Variants in NRG3 observed in about 807,000 individuals in gnomAD.
NRG3 encodes neuregulin 3.
A neutral mutation model predicts 66.9 loss-of-function variants in NRG3; 31 were observed. That is an observed-to-expected ratio of 0.46 (90% CI 0.35 to 0.63). The LOEUF (loss-of-function observed/expected upper bound fraction) is 0.63, where lower values mean the gene tolerates loss of function less well. Ranked by LOEUF, NRG3 falls within the 20% of genes least tolerant of loss-of-function variation. NRG3 has a pLI of 0.00. For synonymous variants in NRG3, 393 were observed against 359.4 expected (o/e 1.09, Z -1.06); for missense variants, 910 against 878.9 (o/e 1.04, Z -0.45).
intron 3 of NRG3, among the ~76,000 whole-genome samples, chr10:82,843,564 T>C (rs886583078): frequency 1.3e-5 from 2 of 152,104 alleles, no homozygotes; most frequent in African/African-American, 4.8e-5. Flanking sequence ...ATACAAGGAA[T>C]TCTGAAGGAA....
chr10:81,956,919 C>A (rs917337740), intron 1 of NRG3, among the ~76,000 whole-genome samples: 2 of 152,176 alleles, frequency 1.3e-5, no homozygotes, highest in South Asian at 4.1e-4. Context: ...ACACTAGACT[C>A]TTACTCTTCC....
At chr10:81,914,337 T>C (rs1845461349) in intron 1 of NRG3, among the ~76,000 whole-genome samples, 1 of 152,184 alleles carries the variant, frequency 6.6e-6, no homozygotes, top group African/African-American at 2.4e-5. Context: ...ATTTTAAAAA[T>C]AAATTCCAGT....
At chr10:81,883,082 ATTGTCATTGGGTCTTTAG>A (rs1430675093) in intron 1 of NRG3, among the ~76,000 whole-genome samples, 1 of 152,080 alleles carries the variant, frequency 6.6e-6, no homozygotes, top group Non-Finnish European at 1.5e-5. Flanking sequence ...CCCTACACTA[ATTGTCATTGGGTCTTTAG>A]ATTTTGGAGA....
intron 1 of NRG3, among the ~76,000 whole-genome samples, chr10:82,106,106 G>A (rs1443826211): frequency 6.6e-6 from 1 of 152,192 alleles, no homozygotes; most frequent in Admixed American, 6.5e-5. Context: ...TGAGTCCAAG[G>A]CTGACATAGA....
rs370811367 is a variant in NRG3, at chr10:82,287,927, G to T, written c.824-70812G>T. 2.0e-5 allele frequency among the ~76,000 whole-genome samples: 3 copies of T among 152,226 alleles called. No individual in the cohort carries two copies. The South Asian group carries it at 6.2e-4, about 32-fold the overall frequency. On this transcript the variant is annotated intron_variant, in intron 1 of 8. Coordinates refer to ENST00000372141, the MANE Select transcript of NRG3 (RefSeq NM_001010848.4). ...TGGTCCCTTGTTGATCATGATTATC[G>T]GGAGTAAATTCTGTGTCAACAAAGT...
intron 6 of NRG3, among the ~76,000 whole-genome samples, chr10:82,971,029 C>T (rs1049627842): frequency 2.6e-5 from 4 of 151,816 alleles, no homozygotes; most frequent in Non-Finnish European, 5.9e-5. Context: ...CTGCTCATGG[C>T]GGAAGGGAAA....
At chr10:82,546,136 C>T (rs1300209583) in intron 2 of NRG3, among the ~76,000 whole-genome samples, 2 of 152,158 alleles carry the variant, frequency 1.3e-5, no homozygotes, top group Admixed American at 6.5e-5. Flanking sequence ...CAGGTAGAAT[C>T]AGAAATGTTG....
At chr10:82,266,759 A>G (rs2078321067) in intron 1 of NRG3, among the ~76,000 whole-genome samples, 2 of 152,174 alleles carry the variant, frequency 1.3e-5, no homozygotes, top group Non-Finnish European at 2.9e-5. Context: ...TGGCATCCCC[A>G]CAGGGAAAGA....
intron 1 of NRG3, among the ~76,000 whole-genome samples, chr10:82,208,494 C>G (rs2075238489): frequency 6.6e-6 from 1 of 152,114 alleles, no homozygotes; most frequent in South Asian, 2.1e-4. Flanking sequence ...GTTTTACCAC[C>G]TTGCTCTTTG....
chr10:82,455,903 C>A (rs1320356324), intron 2 of NRG3, among the ~76,000 whole-genome samples: 1 of 152,014 alleles, frequency 6.6e-6, no homozygotes. Context: ...CAGGCGTGAG[C>A]CACGGCACCT....
At chr10:82,717,642 A>G (rs2057056829) in intron 2 of NRG3, among the ~76,000 whole-genome samples, 1 of 151,896 alleles carries the variant, frequency 6.6e-6, no homozygotes, top group Non-Finnish European at 1.5e-5. Flanking sequence ...TGACCTCGTG[A>G]TCCGCCTGCC....
chr10:82,558,291 C>A (rs2044783104), intron 2 of NRG3, among the ~76,000 whole-genome samples: 1 of 152,168 alleles, frequency 6.6e-6, no homozygotes, highest in African/African-American at 2.4e-5. Context: ...TGCCTATTGC[C>A]TGAATTACCA....
chr10:82,182,612 C>T (rs1283426443), intron 1 of NRG3, among the ~76,000 whole-genome samples: 3 of 151,724 alleles, frequency 2.0e-5, no homozygotes, highest in Admixed American at 2.0e-4. Flanking sequence ...ATAGTTATTG[C>T]TATTTTTATG....
At chr10:82,404,031 G>A in intron 2 of NRG3, among the ~76,000 whole-genome samples, 1 of 151,794 alleles carries the variant, frequency 6.6e-6, no homozygotes, top group East Asian at 1.9e-4. Flanking sequence ...TTTAGATATT[G>A]GAATTATACT....
intron 2 of NRG3, among the ~76,000 whole-genome samples, chr10:82,729,669 T>G (rs1017658256): frequency 1.3e-5 from 2 of 152,206 alleles, no homozygotes; most frequent in African/African-American, 4.8e-5. Context: ...TTATTCAGAC[T>G]GATGTGAGAA....
intron 1 of NRG3, among the ~76,000 whole-genome samples, chr10:82,242,065 GA>G (rs2077030810): frequency 6.6e-6 from 1 of 151,926 alleles, no homozygotes; most frequent in Non-Finnish European, 1.5e-5. Context: ...TTTTATCTGG[GA>G]AAAACTGTAC....
rs557941360 is a variant in NRG3 at position 82,277,444 on chromosome 10, A to T, written c.824-81295A>T. Among the ~76,000 whole-genome samples the T allele has an allele frequency of 5.9e-5, 9 of 152,216 alleles. No individual in the cohort carries two copies. In the East Asian group the frequency reaches 1.7e-3, roughly 29 times the overall value. ...TATTTTACTTATAGATAATTCAGGC[A>T]TTGACATATGTATTATGTCATTTGC... On this transcript the variant is annotated intron_variant, in intron 1 of 8. Transcript: ENST00000372141.
At chr10:82,575,186 A>AT (rs1717266037) in intron 2 of NRG3, among the ~76,000 whole-genome samples, 1 of 151,752 alleles carries the variant, frequency 6.6e-6, no homozygotes, top group South Asian at 2.1e-4. Context: ...AAATATATAC[A>AT]TTTTTCATCT....
chr10:82,619,608 A>C (rs532966513), intron 2 of NRG3, among the ~76,000 whole-genome samples: 1 of 152,332 alleles, frequency 6.6e-6, no homozygotes, highest in South Asian at 2.1e-4. Flanking sequence ...TGTTTCCTAA[A>C]AATGTTTACA....
Sources: allele counts gnomAD v4.1 joint callset (sites outside exome capture counted in the v4.1 genomes callset), GRCh38; gene constraint gnomAD v4.1.1; transcripts MANE v1.5; gene names NCBI Gene and HGNC (gene_info 2026-07-23, HGNC 2026-07-21).